Variants in VIPR2 observed in about 807,000 individuals in gnomAD.
The protein encoded by VIPR2 is vasoactive intestinal peptide receptor 2.
Under a neutral mutation model 58.0 loss-of-function variants are expected in VIPR2, and 48 were observed. The observed-to-expected ratio is 0.83, with a 90% CI of 0.66 to 1.05. The LOEUF (loss-of-function observed/expected upper bound fraction) is 1.05. Among genes scored for constraint, VIPR2 ranks in the 50% least tolerant of loss-of-function variants. The probability of loss-of-function intolerance (pLI) is 0.00; values close to 1 mark genes in which losing one functional copy is unlikely to be tolerated. For missense variants in VIPR2, 534 were observed against 558.0 expected (o/e 0.96, Z 0.43); for synonymous variants, 243 against 235.2 (o/e 1.03, Z -0.30).
chr7:159,100,787 G>A (rs1056288626), intron 4 of VIPR2, among the ~76,000 whole-genome samples: 2 of 149,938 alleles, frequency 1.3e-5, no homozygotes, highest in East Asian at 2.0e-4. Flanking sequence ...CCGACGAGGC[G>A]GTTCCCCCAA....
chr7:159,086,355 T>C (rs1219647336), intron 4 of VIPR2, among the ~76,000 whole-genome samples: 1 of 152,186 alleles, frequency 6.6e-6, no homozygotes, highest in East Asian at 1.9e-4. Flanking sequence ...CTGAGCTGGG[T>C]TGTGGGGAGG....
chr7:159,068,548 T>A (rs1276096479), intron 4 of VIPR2, among the ~76,000 whole-genome samples: 1 of 152,214 alleles, frequency 6.6e-6, no homozygotes, highest in East Asian at 1.9e-4. Flanking sequence ...GTTCTCTTGT[T>A]CAATTCTGAA....
chr7:159,088,911 A>G (rs1857332495), intron 4 of VIPR2, among the ~76,000 whole-genome samples: 2 of 78,068 alleles, frequency 2.6e-5, no homozygotes, highest in Non-Finnish European at 5.0e-5. Flanking sequence ...CATCTGTGGA[A>G]TGGGAATAGC....
intron 4 of VIPR2, among the ~76,000 whole-genome samples, chr7:159,084,529 C>A (rs1316485121): frequency 1.3e-5 from 2 of 152,158 alleles, no homozygotes; most frequent in East Asian, 3.9e-4. Context: ...GCTTCAGGCT[C>A]CTGCAGAGAG....
intron 4 of VIPR2, among the ~76,000 whole-genome samples, chr7:159,073,260 G>T (rs1358794326): frequency 1.3e-5 from 2 of 152,086 alleles, no homozygotes; most frequent in Non-Finnish European, 2.9e-5. Flanking sequence ...AAGGATAAAA[G>T]AAGATCAGTT....
chr7:159,065,311 G>A (rs1240106151), intron 4 of VIPR2, among the ~76,000 whole-genome samples: 4 of 152,150 alleles, frequency 2.6e-5, no homozygotes, highest in Non-Finnish European at 5.9e-5. Flanking sequence ...GCTGCTACAG[G>A]AGGAGCCCGC....
intron 4 of VIPR2, among the ~76,000 whole-genome samples, chr7:159,086,385 C>T (rs184679106): frequency 5.9e-5 from 9 of 152,236 alleles, no homozygotes; most frequent in Non-Finnish European, 8.8e-5. Flanking sequence ...CTGACCCACG[C>T]GGGGGACTGT....
intron 4 of VIPR2, among the ~76,000 whole-genome samples, chr7:159,088,581 C>T (rs181466382): frequency 1.1e-4 from 17 of 152,366 alleles, no homozygotes; most frequent in East Asian, 3.9e-4. Context: ...AGTCCCACCA[C>T]GTTATTCACA....
At chr7:159,113,535 A>G (rs930212858) in intron 2 of VIPR2, among the ~76,000 whole-genome samples, 2 of 152,154 alleles carry the variant, frequency 1.3e-5, no homozygotes, top group Non-Finnish European at 2.9e-5. Flanking sequence ...TCGTCCTGCT[A>G]CAAGAGAAAA....
chr7:159,044,629 TAAAG>T (rs527743044), intron 5 of VIPR2, among the ~76,000 whole-genome samples: 86 of 147,048 alleles, frequency 5.8e-4, no homozygotes, highest in African/African-American at 2.0e-3. Flanking sequence ...CATAGACAAA[TAAAG>T]GAAACCAGGA....
At chr7:159,030,971 C>T (rs1169491308) in intron 12 of VIPR2, among the ~76,000 whole-genome samples, 182 bp from the exon 13 acceptor site, 2 of 152,224 alleles carry the variant, frequency 1.3e-5, no homozygotes, top group East Asian at 3.9e-4. Context: ...GGGAACTGGA[C>T]GGCCACAGGA....
intron 4 of VIPR2, among the ~76,000 whole-genome samples, chr7:159,069,769 T>C (rs1856286181): frequency 6.6e-6 from 1 of 152,088 alleles, no homozygotes; most frequent in Non-Finnish European, 1.5e-5. Context: ...AACCCATACT[T>C]TTTAGAGTAC....
intron 4 of VIPR2, among the ~76,000 whole-genome samples, chr7:159,060,364 T>C (rs1361234919): frequency 2.0e-5 from 3 of 149,792 alleles, no homozygotes; most frequent in African/African-American, 7.4e-5. Flanking sequence ...TCAATTCATC[T>C]AACCATCTCC....
In VIPR2 at chr7:159,096,974, C is replaced by T; in HGVS notation, c.357+6783G>A. On this transcript the variant is annotated intron_variant, in intron 4 of 12. Transcript: ENST00000262178. The surrounding 1 kb of genome is among the most constrained non-coding windows in gnomAD (Gnocchi z 5.5). ...CTTGGCACCTGCTGGGCCTGAGGAC[C>T]ATGAGGGGAGGCTTCCTTCAGAAAA... The T allele has an allele frequency of 6.4e-7, 1 of 1,550,628 alleles. No homozygotes were observed. Among genetic ancestry groups the T allele is most frequent in the Non-Finnish European group, 8.7e-7 (1 of 1,147,000 alleles).
chr7:159,067,242 G>A (rs1856146426), intron 4 of VIPR2, among the ~76,000 whole-genome samples: 1 of 152,230 alleles, frequency 6.6e-6, no homozygotes, highest in Non-Finnish European at 1.5e-5. Context: ...ATTTGCATGT[G>A]TGTATTTTCC....
chr7:159,069,229 T>A (rs1220113413), intron 4 of VIPR2, among the ~76,000 whole-genome samples: 1 of 152,206 alleles, frequency 6.6e-6, no homozygotes, highest in Non-Finnish European at 1.5e-5. Flanking sequence ...TCACTTTTTC[T>A]TCCTGTCAGT....
At chr7:159,083,599 C>CA (rs59140171) in intron 4 of VIPR2, among the ~76,000 whole-genome samples, 1,998 of 152,312 alleles carry the variant, frequency 0.013, 21 homozygotes, top group Middle Eastern at 0.031. Flanking sequence ...AGCCAGTACC[C>CA]ACTAGCCGGG....
At chr7:159,105,699 C>T (rs1858605194) in intron 3 of VIPR2, among the ~76,000 whole-genome samples, 1 of 152,136 alleles carries the variant, frequency 6.6e-6, no homozygotes, top group Admixed American at 6.5e-5. Context: ...GTCTGGGGGC[C>T]TCTTAGCTGC....
chr7:159,033,983 G>A (rs778713795), intron 10 of VIPR2, among the ~76,000 whole-genome samples: 8 of 152,170 alleles, frequency 5.3e-5, no homozygotes, highest in Non-Finnish European at 1.0e-4. Context: ...TCTAGATGGC[G>A]GGTGTTTTAA....
Sources: allele counts gnomAD v4.1 joint callset (sites outside exome capture counted in the v4.1 genomes callset), GRCh38; gene constraint gnomAD v4.1.1; non-coding constraint Gnocchi (gnomAD v3.1); transcripts MANE v1.5; gene names NCBI Gene and HGNC (gene_info 2026-07-23, HGNC 2026-07-21).